The following KIAA1328 variants were observed in gnomAD, a reference collection of about 807,000 sequenced individuals.
KIAA1328 encodes protein hinderin.
A neutral mutation model predicts 68.1 loss-of-function variants in KIAA1328; 52 were observed. The observed-to-expected ratio is 0.76, with a 90% CI of 0.61 to 0.96. The LOEUF (loss-of-function observed/expected upper bound fraction) is 0.96. Ranked by LOEUF, KIAA1328 falls within the 40% of genes least tolerant of loss-of-function variation. The probability of loss-of-function intolerance (pLI) is 0.00; values close to 1 mark genes in which losing one functional copy is unlikely to be tolerated. For synonymous variants in KIAA1328, 232 were observed against 239.4 expected (o/e 0.97, Z 0.28); for missense variants, 641 against 677.6 (o/e 0.95, Z 0.60).
chr18:36,929,438 G>T (rs2050234912), intron 5 of KIAA1328, among the ~76,000 whole-genome samples: 1 of 151,190 alleles, frequency 6.6e-6, no homozygotes, highest in African/African-American at 2.5e-5. Context: ...AATTGTAGTT[G>T]CCTTCAATGT....
At chr18:37,209,830 G>A (rs1053281163) in intron 9 of KIAA1328, among the ~76,000 whole-genome samples, 2 of 152,204 alleles carry the variant, frequency 1.3e-5, no homozygotes, top group African/African-American at 2.4e-5. Flanking sequence ...TCAGGTAGCA[G>A]TTGGGAATGT....
At chr18:37,098,319 C>G (rs323314) in intron 7 of KIAA1328, among the ~76,000 whole-genome samples, 40,353 of 151,882 alleles carry the variant, frequency 0.27, 8,395 homozygotes, top group African/African-American at 0.59. Flanking sequence ...TTTTCGGCAT[C>G]TTTTGAGATA....
At chr18:37,061,094 G>A (rs1453009987) in intron 6 of KIAA1328, among the ~76,000 whole-genome samples, 6 of 152,040 alleles carry the variant, frequency 3.9e-5, no homozygotes, top group African/African-American at 7.2e-5. Flanking sequence ...CAGCCTGGGC[G>A]ACAGAGCAAG....
intron 5 of KIAA1328, chr18:36,921,230 C>T (rs2151108245): frequency 6.6e-6 from 1 of 150,544 alleles, no homozygotes; most frequent in East Asian, 1.9e-4. Context: ...TATTTATGGT[C>T]ATCATTACCA....
chr18:37,058,484 A>C (rs188523788), intron 6 of KIAA1328, among the ~76,000 whole-genome samples: 3 of 152,268 alleles, frequency 2.0e-5, no homozygotes, highest in African/African-American at 7.2e-5. Context: ...AGGCCAAGGC[A>C]GGTGGGTTGC....
chr18:36,992,876 A>C (rs1343319292), intron 6 of KIAA1328, among the ~76,000 whole-genome samples: 1 of 152,114 alleles, frequency 6.6e-6, no homozygotes, highest in Non-Finnish European at 1.5e-5. Flanking sequence ...GGCCAAGGCG[A>C]GTGGATCGCT....
At chr18:36,969,429 AAC>A (rs1405045906) in intron 6 of KIAA1328, among the ~76,000 whole-genome samples, 2 of 152,120 alleles carry the variant, frequency 1.3e-5, no homozygotes, top group African/African-American at 4.8e-5. Context: ...GATCCAAGTA[AAC>A]ACAATCAGTA....
chr18:37,167,456 G>A (rs1023175682), intron 8 of KIAA1328, among the ~76,000 whole-genome samples: 8 of 152,152 alleles, frequency 5.3e-5, no homozygotes, highest in Non-Finnish European at 1.2e-4. Flanking sequence ...TGGGGTGTCA[G>A]AAGGGGGATG....
intron 8 of KIAA1328, among the ~76,000 whole-genome samples, chr18:37,166,019 G>A (rs1254436744): frequency 6.6e-6 from 1 of 150,766 alleles, no homozygotes; most frequent in East Asian, 1.9e-4. Context: ...ACACTGATTG[G>A]GAGATATTGG....
intron 8 of KIAA1328, among the ~76,000 whole-genome samples, chr18:37,168,636 A>G (rs185776216): frequency 1.8e-4 from 27 of 152,370 alleles, no homozygotes; most frequent in Middle Eastern, 3.4e-3. Flanking sequence ...AAAGTTCAAA[A>G]GCAACAAAAC....
intron 1 of KIAA1328, chr18:36,829,489 A>T: frequency 8.4e-7 from 1 of 1,190,400 alleles, no homozygotes; most frequent in Admixed American, 4.6e-5. Flanking sequence ...CAGGGCTGAG[A>T]TGGCCCTCCG....
chr18:36,960,232 A>G (rs1434444832), intron 6 of KIAA1328, among the ~76,000 whole-genome samples: 5 of 152,134 alleles, frequency 3.3e-5, no homozygotes, highest in Non-Finnish European at 2.9e-5. Flanking sequence ...AGATCAACCT[A>G]TGAGGCTGCA....
At chr18:37,031,553 CTTTAATAATTAAAGTAGGGCT>C (rs1284278974) in intron 6 of KIAA1328, among the ~76,000 whole-genome samples, 1 of 152,080 alleles carries the variant, frequency 6.6e-6, no homozygotes, top group East Asian at 1.9e-4. Flanking sequence ...CCACCTTTGT[CTTTAATAATTAAAGTAGGGCT>C]TTCATAGATA....
At chr18:37,200,817 C>CAA (rs1304976099) in intron 9 of KIAA1328, among the ~76,000 whole-genome samples, 18 of 53,860 alleles carry the variant, frequency 3.3e-4, no homozygotes, top group Non-Finnish European at 4.7e-4. Flanking sequence ...GACTCCGTCT[C>CAA]AAAAAAAAAA....
intron 7 of KIAA1328, among the ~76,000 whole-genome samples, chr18:37,105,431 T>G (rs1335407326): frequency 1.4e-5 from 2 of 143,532 alleles, no homozygotes; most frequent in African/African-American, 2.6e-5. Context: ...TTCGAAGTTA[T>G]AGTAAGCTAT....
chr18:36,935,933 A>G (rs2050483179), intron 5 of KIAA1328, among the ~76,000 whole-genome samples: 1 of 152,214 alleles, frequency 6.6e-6, no homozygotes, highest in African/African-American at 2.4e-5. Context: ...TATCACGACA[A>G]CTGTTATGAA....
chr18:37,096,339 G>A (rs2057405982), intron 7 of KIAA1328, among the ~76,000 whole-genome samples: 1 of 151,992 alleles, frequency 6.6e-6, no homozygotes, highest in African/African-American at 2.4e-5. Flanking sequence ...TTGGTTTTCT[G>A]TCCTTGCGAT....
intron 4 of KIAA1328, among the ~76,000 whole-genome samples, chr18:36,880,662 GA>G (rs2048299524): frequency 6.6e-6 from 1 of 152,094 alleles, no homozygotes; most frequent in Non-Finnish European, 1.5e-5. Context: ...CAAAGGTAGG[GA>G]GGGACAAATT....
intron 9 of KIAA1328, among the ~76,000 whole-genome samples, chr18:37,216,094 C>A (rs1318152673): frequency 6.6e-6 from 1 of 152,128 alleles, no homozygotes; most frequent in Non-Finnish European, 1.5e-5. Flanking sequence ...TTTCAAAAAA[C>A]CAGCTCCTGG....
Sources: allele counts gnomAD v4.1 joint callset (sites outside exome capture counted in the v4.1 genomes callset), GRCh38; gene constraint gnomAD v4.1.1; transcripts MANE v1.5; gene names NCBI Gene and HGNC (gene_info 2026-07-23, HGNC 2026-07-21).